Variants in CEP112 observed in about 807,000 individuals in gnomAD.
The protein encoded by CEP112 is centrosomal protein 112, also known as centrosomal protein of 112 kDa.
Under a neutral mutation model 153.0 loss-of-function variants are expected in CEP112, and 127 were observed. The ratio of observed to expected loss-of-function variants is 0.83; its 90% confidence interval spans 0.72 to 0.96. The LOEUF is 0.96. Among genes scored for constraint, CEP112 ranks in the 40% least tolerant of loss-of-function variants. CEP112 has a pLI of 0.00. For missense variants in CEP112, 1,089 were observed against 1,101.2 expected (o/e 0.99, Z 0.16); for synonymous variants, 358 against 374.4 (o/e 0.96, Z 0.51).
At chr17:65,931,930 C>T (rs2061139334) in intron 18 of CEP112, among the ~76,000 whole-genome samples, 1 of 152,178 alleles carries the variant, frequency 6.6e-6, no homozygotes, top group Admixed American at 6.5e-5. Flanking sequence ...GCTGGCTGAG[C>T]AGCAACCCCA....
At chr17:66,000,374 T>C (rs1272369823) in intron 17 of CEP112, among the ~76,000 whole-genome samples, 1 of 151,826 alleles carries the variant, frequency 6.6e-6, no homozygotes, top group African/African-American at 2.4e-5. Context: ...AGAAAGTGTT[T>C]GTGGTTTTAT....
chr17:65,819,499 T>C (rs1044321553), intron 21 of CEP112, among the ~76,000 whole-genome samples: 1 of 151,992 alleles, frequency 6.6e-6, no homozygotes, highest in Admixed American at 6.6e-5. Flanking sequence ...AATATGTGCA[T>C]AGTCTCAAAC....
chr17:65,767,852 C>T (rs6416947), intron 21 of CEP112, among the ~76,000 whole-genome samples: 1 of 151,194 alleles, frequency 6.6e-6, no homozygotes, highest in African/African-American at 2.4e-5. Flanking sequence ...AGGCCAACAA[C>T]AAATGAAGAG....
intron 21 of CEP112, among the ~76,000 whole-genome samples, chr17:65,783,946 T>C (rs1308113723): frequency 5.9e-5 from 9 of 152,236 alleles, no homozygotes; most frequent in Admixed American, 3.9e-4. Context: ...GGTGTGACCA[T>C]GGGCAAATCA....
At chr17:65,839,907 G>A (rs574651766) in intron 21 of CEP112, among the ~76,000 whole-genome samples, 21 of 151,436 alleles carry the variant, frequency 1.4e-4, no homozygotes, top group Non-Finnish European at 2.5e-4. Context: ...AATCAAGAAA[G>A]CAATCCTATT....
chr17:65,895,338 T>C (rs1223591802), intron 20 of CEP112, among the ~76,000 whole-genome samples: 4 of 71,366 alleles, frequency 5.6e-5, no homozygotes, highest in African/African-American at 1.3e-4. Context: ...TAAATACTTG[T>C]TGTTGTTGTT....
intron 23 of CEP112, among the ~76,000 whole-genome samples, chr17:65,715,914 C>T (rs919573139): frequency 3.3e-5 from 5 of 152,102 alleles, no homozygotes; most frequent in Admixed American, 6.5e-5. Context: ...AGAACAGCAA[C>T]GACTACTACA....
Position 66,027,502 on chromosome 17 carries a change from T to C in CEP112, c.1655A>G (p.Lys552Arg). The C allele has an allele frequency of 1.5e-6, 2 of 1,342,778 alleles. No individual in the cohort carries two copies. The highest frequency in any genetic ancestry group is 3.0e-5 in the East Asian group (1 of 33,344). 83.2% of individuals were successfully genotyped at this position (1,342,778 alleles called of 1,614,324 possible). A position where few individuals can be genotyped will look rare whatever the true frequency, so the allele number is the denominator to read the frequency against. The part of the protein sequence containing the change: ...KSHLKHIYEK[K>R]AHDLQSELDK... ...TATAGCTTCCATAAAACATATTACCTTTTTTTCATAGATGTGTTTTAAATG... is the reference window on the plus strand; with the variant it reads ...TATAGCTTCCATAAAACATATTACCCTTTTTTCATAGATGTGTTTTAAATG... Residue 552 changes from lysine to arginine, a missense_variant and splice_region_variant, in exon 16 of 27, where the codon AAG (lysine) becomes AGG (arginine). Physicochemically the swap from Lys to Arg is conservative, Grantham distance 26 (BLOSUM62 2). Transcript: ENST00000535342.
intron 24 of CEP112, among the ~76,000 whole-genome samples, chr17:65,679,885 G>A (rs2047429786): frequency 1.3e-5 from 2 of 152,170 alleles, no homozygotes; most frequent in Non-Finnish European, 2.9e-5. Context: ...TATAACAGGC[G>A]GAAGGAGCTA....
rs746075501 is a variant in CEP112, at chr17:66,176,997, T to C, written c.130A>G (p.Ile44Val). Reference sequence around the variant, plus strand: ...CCTGAAGGTTCGCACAGCTTTCTAATCCAAAGAGCACACCTCTGCCGTTCT... The same window carrying C: ...CCTGAAGGTTCGCACAGCTTTCTAACCCAAAGAGCACACCTCTGCCGTTCT... ...RTERQRCALWIRKLCEPSGTG... is the reference protein window; with the variant it reads ...RTERQRCALWVRKLCEPSGTG... Residue 44 changes from isoleucine (I) to valine (V), a missense_variant, in exon 3 of 27, where the codon ATT (isoleucine) becomes GTT (valine). Ile to Val is a conservative substitution (Grantham distance 29). Coordinates refer to ENST00000535342, the MANE Select transcript of CEP112 (RefSeq NM_001199165.4). 52 of 1,612,654 alleles carry C rather than the reference T, an allele frequency of 3.2e-5. No individual in the cohort carries two copies. Among genetic ancestry groups the C allele is most frequent in the Non-Finnish European group, 4.2e-5 (50 of 1,179,442 alleles).
chr17:65,812,061 T>C (rs1242990208), intron 21 of CEP112, among the ~76,000 whole-genome samples: 1 of 152,104 alleles, frequency 6.6e-6, no homozygotes, highest in Non-Finnish European at 1.5e-5. Flanking sequence ...TGGAGTGCAG[T>C]GGCTTGATCT....
At chr17:65,666,939 A>G (rs2046723819) in intron 24 of CEP112, among the ~76,000 whole-genome samples, 1 of 152,122 alleles carries the variant, frequency 6.6e-6, no homozygotes, top group South Asian at 2.1e-4. Context: ...TTCTCTTTGG[A>G]TCCTTCAGGA....
chr17:65,799,342 A>G (rs2055125028), intron 21 of CEP112, among the ~76,000 whole-genome samples: 2 of 152,242 alleles, frequency 1.3e-5, no homozygotes, highest in Admixed American at 6.5e-5. Flanking sequence ...CGGATCCTCT[A>G]CCTTACCCAC....
chr17:65,950,699 C>CTATTATTATTATTATTAG (rs57598697), intron 18 of CEP112, among the ~76,000 whole-genome samples: 12,859 of 147,108 alleles, frequency 0.087, 840 homozygotes, highest in East Asian at 0.32. Flanking sequence ...GGATACATTA[C>CTATTATTATTATTATTAG]TAGTAGTAGT....
chr17:65,759,006 G>A (rs971569121), intron 21 of CEP112, among the ~76,000 whole-genome samples: 11 of 152,232 alleles, frequency 7.2e-5, no homozygotes, highest in African/African-American at 2.6e-4. Context: ...ACAAGATACA[G>A]GTCATACAGA....
chr17:65,876,991 C>T (rs1434069869), intron 20 of CEP112, among the ~76,000 whole-genome samples: 1 of 152,006 alleles, frequency 6.6e-6, no homozygotes, highest in Non-Finnish European at 1.5e-5. Flanking sequence ...TTTCTCATGC[C>T]TCTCAGGCCA....
At chr17:65,712,331 T>C (rs964245918) in intron 23 of CEP112, among the ~76,000 whole-genome samples, 4 of 152,186 alleles carry the variant, frequency 2.6e-5, no homozygotes, top group African/African-American at 9.7e-5. Context: ...ATACAGAAGA[T>C]GAATAGCGGA....
At chr17:65,913,806 T>C in intron 19 of CEP112, 1 of 985,428 alleles carries the variant, frequency 1.0e-6, no homozygotes, top group Non-Finnish European at 1.2e-6. Context: ...AACACAGCTG[T>C]GATTAGCAAG....
At chr17:66,020,659 T>G (rs1443283) in intron 16 of CEP112, among the ~76,000 whole-genome samples, 62,547 of 152,132 alleles carry the variant, frequency 0.41, 14,327 homozygotes, top group East Asian at 0.87. Flanking sequence ...TTTCTATTAT[T>G]TTTGTATTTT....
Sources: gnomAD v4.1 joint callset for allele counts (sites outside exome capture counted in the v4.1 genomes callset) on GRCh38, gnomAD v4.1.1 for gene constraint, MANE v1.5 for transcripts, NCBI Gene and HGNC (gene_info 2026-07-23, HGNC 2026-07-21) for gene names.